The following THRAP3 variants were observed in gnomAD, a reference collection of about 807,000 sequenced individuals.
THRAP3 encodes thyroid hormone receptor associated protein 3.
A neutral mutation model predicts 101.0 loss-of-function variants in THRAP3; 16 were observed. The observed-to-expected ratio is 0.16, with a 90% CI of 0.11 to 0.24. THRAP3 has a LOEUF of 0.24. Ranked by LOEUF, THRAP3 falls within the 10% of genes least tolerant of loss-of-function variation. The pLI, the probability that THRAP3 is intolerant of heterozygous loss-of-function variation, is 1.00. For synonymous variants in THRAP3, 407 were observed against 422.6 expected (o/e 0.96, Z 0.45); for missense variants, 989 against 1,202.7 (o/e 0.82, Z 2.63).
At chr1:36,248,974 C>T (rs1034692297) in intron 1 of THRAP3, among the ~76,000 whole-genome samples, 1 of 150,758 alleles carries the variant, frequency 6.6e-6, no homozygotes, top group African/African-American at 2.4e-5. Flanking sequence ...ATCCTCAGCT[C>T]ACTGCAGCCT....
intron 3 of THRAP3, 84 bp downstream of exon 3, chr1:36,282,784 TGTGA>T: frequency 1.3e-6 from 2 of 1,516,224 alleles, no homozygotes; most frequent in Non-Finnish European, 1.8e-6. Context: ...AGACTTTTCC[TGTGA>T]GTGTCAAATG....
At chr1:36,234,232 G>A (rs1187157557) in intron 1 of THRAP3, among the ~76,000 whole-genome samples, 6 of 152,020 alleles carry the variant, frequency 3.9e-5, no homozygotes, top group East Asian at 3.9e-4. Context: ...CACCACACCC[G>A]GCCAACATTT....
intron 5 of THRAP3, among the ~76,000 whole-genome samples, chr1:36,290,496 C>G (rs1388511583): frequency 6.6e-6 from 1 of 151,894 alleles, no homozygotes; most frequent in Non-Finnish European, 1.5e-5. Flanking sequence ...CCCAGAATCT[C>G]TCTCTGTCAC....
the THRAP3 span, among the ~76,000 whole-genome samples, chr1:36,207,684 G>A: frequency 6.6e-6 from 1 of 152,168 alleles, no homozygotes; most frequent in Non-Finnish European, 1.5e-5. Flanking sequence ...TGCATTGACA[G>A]ACCAGGCTAG....
At chr1:36,254,630 A>G (rs1645349811) in intron 1 of THRAP3, among the ~76,000 whole-genome samples, 1 of 152,206 alleles carries the variant, frequency 6.6e-6, no homozygotes, top group South Asian at 2.1e-4. Context: ...CTCCTGTCTT[A>G]GTGTGCAAGT....
At chr1:36,209,718 C>T in the THRAP3 span, among the ~76,000 whole-genome samples, 1 of 152,186 alleles carries the variant, frequency 6.6e-6, no homozygotes, top group African/African-American at 2.4e-5. Context: ...AATCTGAATC[C>T]TAGTCCTCAG....
At chr1:36,275,805 G>A in intron 2 of THRAP3, among the ~76,000 whole-genome samples, 1 of 151,902 alleles carries the variant, frequency 6.6e-6, no homozygotes. Flanking sequence ...TGGATTGCTT[G>A]AGCCCAGGAG....
chr1:36,236,655 A>G (rs1235489730), intron 1 of THRAP3, among the ~76,000 whole-genome samples: 1 of 152,174 alleles, frequency 6.6e-6, no homozygotes, highest in Non-Finnish European at 1.5e-5. Context: ...TAGTACATGC[A>G]GTTTTCCATC....
chr1:36,257,754 T>TA (rs1645393900), intron 1 of THRAP3, among the ~76,000 whole-genome samples: 1 of 152,202 alleles, frequency 6.6e-6, no homozygotes, highest in Non-Finnish European at 1.5e-5. Flanking sequence ...GGAAATATGA[T>TA]GGAGTAATAA....
chr1:36,256,745 G>C (rs1279843265), intron 1 of THRAP3, among the ~76,000 whole-genome samples: 1 of 152,166 alleles, frequency 6.6e-6, no homozygotes, highest in African/African-American at 2.4e-5. Context: ...CCATTCAGCT[G>C]TGTTTCTGAC....
upstream of THRAP3, among the ~76,000 whole-genome samples, chr1:36,222,590 T>C (rs1644908783): frequency 1.3e-5 from 2 of 151,888 alleles, no homozygotes; most frequent in Non-Finnish European, 2.9e-5. Flanking sequence ...GTATTTTTAG[T>C]AGAGAACGGG....
intron 1 of THRAP3, among the ~76,000 whole-genome samples, chr1:36,246,544 A>T (rs1298883212): frequency 6.6e-6 from 1 of 151,854 alleles, no homozygotes; most frequent in Admixed American, 6.6e-5. Context: ...TTTTCTTTTT[A>T]AAAAATAAAT....
chr1:36,304,534 CAA>C lies in THRAP3; in HGVS notation c.*520_*521del. 1 of 192,816 alleles carries C rather than the reference CAA, an allele frequency of 5.2e-6. No individual in the cohort carries two copies. The highest frequency in any genetic ancestry group is 7.9e-5 in the East Asian group (1 of 12,676). The allele number at this position is 192,816 out of a possible 1,614,324, so 11.9% of individuals were successfully genotyped here. A position where few individuals can be genotyped will look rare whatever the true frequency, so the allele number is the denominator to read the frequency against. Reference sequence around the variant, plus strand: ...AAACTTTGATTCTTGAAAGAGAAAACAAAAGCATGTGAATAAACTTTGAAGTG... The same window carrying C: ...AAACTTTGATTCTTGAAAGAGAAAACAAGCATGTGAATAAACTTTGAAGTG... On this transcript the variant is annotated 3_prime_UTR_variant, in exon 12 of 12. Coordinates refer to ENST00000354618, the MANE Select transcript of THRAP3 (RefSeq NM_005119.4).
In THRAP3 at chr1:36,273,032, C is replaced by T. The variant is rs562191703; in HGVS notation, c.-31-9501C>T. Among the ~76,000 whole-genome samples the T allele has an allele frequency of 2.2e-4, 33 of 152,324 alleles. No individual in the cohort carries two copies. In the Middle Eastern group the frequency reaches 0.014, roughly 63 times the overall value. On this transcript the variant is annotated intron_variant, in intron 2 of 11. Coordinates refer to ENST00000354618, the MANE Select transcript of THRAP3 (RefSeq NM_005119.4). Reference sequence around the variant, plus strand: ...GAGGAAGCGTGAAAGTGTGTTTATTCATTTAACAAGTACAAAGTGTCCACT... The same window carrying T: ...GAGGAAGCGTGAAAGTGTGTTTATTTATTTAACAAGTACAAAGTGTCCACT...
At position 36,239,607 on chromosome 1, in the gene THRAP3, T is replaced by A. The variant is rs1011702709; in HGVS notation, c.-135+15102T>A. ...TTTCATCATCCCTGTAAGGCCTTTG[T>A]TTCCCTGGTTCTGGGTAGGTTAATC... On this transcript the variant is annotated intron_variant, in intron 1 of 11. Coordinates refer to ENST00000354618, the MANE Select transcript of THRAP3 (RefSeq NM_005119.4). Among the ~76,000 whole-genome samples the A allele has an allele frequency of 4.6e-5, 7 of 152,208 alleles. 1 individual carries two copies. Among genetic ancestry groups the A allele is most frequent in the Admixed American group, 3.9e-4 (6 of 15,262 alleles).
At position 36,289,747 on chromosome 1, in the gene THRAP3, T is replaced by C. The variant is rs1645841983; in HGVS notation, c.1728T>C (p.Phe576=). 2.5e-6 allele frequency: 4 copies of C among 1,609,704 alleles called. No individual in the cohort carries two copies. The Middle Eastern group carries it at 5.0e-4, about 200-fold the overall frequency. ...EAQVNVRMDS[F]DEDLARPSGL... ...AGGTCAATGTCCGGATGGACTCTTTTGATGAGGACCTCGCACGGTGAGATA... is the reference window on the plus strand; with the variant it reads ...AGGTCAATGTCCGGATGGACTCTTTCGATGAGGACCTCGCACGGTGAGATA... The change falls in exon 5 of 12, where the codon TTT becomes TTC. Residue 576 remains phenylalanine (F), a synonymous_variant. Transcript: ENST00000354618.
chr1:36,260,254 A>T (rs1244044713), intron 2 of THRAP3, among the ~76,000 whole-genome samples: 2 of 152,040 alleles, frequency 1.3e-5, no homozygotes, highest in South Asian at 4.2e-4. Context: ...AAAAACAAAA[A>T]CAAACAAAAG....
chr1:36,296,309 C>T (rs1198002926), intron 8 of THRAP3, among the ~76,000 whole-genome samples: 5 of 152,118 alleles, frequency 3.3e-5, no homozygotes, highest in Non-Finnish European at 5.9e-5. Flanking sequence ...AGAGTCATTA[C>T]TGGGCCAGAA....
chr1:36,243,906 G>T (rs1300237080), intron 1 of THRAP3, among the ~76,000 whole-genome samples: 1 of 144,844 alleles, frequency 6.9e-6, no homozygotes, highest in Admixed American at 6.7e-5. Context: ...CAGACGGGGC[G>T]GCTGGCCGGG....
Sources: gnomAD v4.1 joint callset for allele counts (sites outside exome capture counted in the v4.1 genomes callset) on GRCh38, gnomAD v4.1.1 for gene constraint, MANE v1.5 for transcripts, NCBI Gene and HGNC (gene_info 2026-07-23, HGNC 2026-07-21) for gene names.